VEGFA: variants seen among roughly 807,000 people sequenced by gnomAD.
The protein encoded by VEGFA is vascular endothelial growth factor A, long form.
VEGFA carries 20 observed loss-of-function variants against 49.7 expected under a neutral mutation model. The observed-to-expected ratio is 0.40, with a 90% CI of 0.28 to 0.58. The LOEUF is 0.58. VEGFA is among the 20% of genes least tolerant of loss of function. VEGFA has a pLI of 0.40. For synonymous variants in VEGFA, 219 were observed against 223.4 expected (o/e 0.98, Z 0.18); for missense variants, 505 against 553.5 (o/e 0.91, Z 0.88).
At chr6:43,774,447 A>G (rs1421601908) in intron 2 of VEGFA, 55 bp downstream of exon 2, 9 of 1,592,400 alleles carry the variant, frequency 5.7e-6, no homozygotes, top group Non-Finnish European at 6.0e-6. Context: ...GGATGGGTGG[A>G]TGGCCTAATT....
chr6:43,782,552 T>C, intron 7 of VEGFA: 1 of 256,840 alleles, frequency 3.9e-6, no homozygotes, highest in Non-Finnish European at 7.7e-6. Context: ...TGGCTGGGCT[T>C]CTCACTCACT....
At position 43,771,259 on chromosome 6, in the gene VEGFA, C is replaced by T. The variant is rs1370541486; in HGVS notation, c.553C>T (p.Leu185=). ...GGCCTCCGAAACCATGAACTTTCTG[C>T]TGTCTTGGGTGCATTGGAGCCTTGC... Residue 185 remains leucine, a synonymous_variant, in exon 1 of 8, where the codon CTG becomes TTG. Coordinates refer to ENST00000672860, the MANE Select transcript of VEGFA (RefSeq NM_003376.6). 1 of 1,607,508 alleles carries T rather than the reference C, an allele frequency of 6.2e-7. No homozygotes were observed. The highest frequency in any genetic ancestry group is 1.7e-5 in the Admixed American group (1 of 59,800).
rs1765720683 is a variant in VEGFA at position 43,777,208 on chromosome 6, G to A, written c.659-261G>A. On this transcript the variant is annotated intron_variant, in intron 2 of 7. Coordinates refer to ENST00000672860, the MANE Select transcript of VEGFA (RefSeq NM_003376.6). The surrounding 1 kb of genome is among the most constrained non-coding windows in gnomAD (Gnocchi z 4.3). ...GTTCAGCTGTCACAGTGAGGTGGCG[G>A]GATCAGATGTGGCAGGCCATGTCCC... 3 of 549,350 alleles carry A rather than the reference G, an allele frequency of 5.5e-6. No individual in the cohort carries two copies. In the African/African-American group the frequency reaches 5.6e-5, roughly 10 times the overall value. 34.0% of individuals were successfully genotyped at this position (549,350 alleles called of 1,614,324 possible). A position where few individuals can be genotyped will look rare whatever the true frequency, so the allele number is the denominator to read the frequency against.
At position 43,771,218 on chromosome 6, in the gene VEGFA, G is replaced by T. The variant is rs1287008224; in HGVS notation, c.512G>T (p.Arg171Leu). The T allele has an allele frequency of 1.2e-6, 2 of 1,604,270 alleles. No individual in the cohort carries two copies. The highest frequency in any genetic ancestry group is 1.7e-5 in the Admixed American group (1 of 59,652). The change falls in exon 1 of 8, where the codon CGC becomes CTC. Residue 171 changes from arginine (R) to leucine (L), a missense_variant. Physicochemically the swap from Arg to Leu is moderately radical, Grantham distance 102. This residue lies in a region of VEGFA where 340 missense variants were observed against 321.8 expected (regional missense o/e 1.06). Transcript: ENST00000672860. ...CCGAGCCGGAGAGGGAGCGCGAGCCGCGCCGGCCCCGGTCGGGCCTCCGAA... is the reference window on the plus strand; with the variant it reads ...CCGAGCCGGAGAGGGAGCGCGAGCCTCGCCGGCCCCGGTCGGGCCTCCGAA...
At position 43,781,478 on chromosome 6, in the gene VEGFA, C is replaced by G. The variant is rs750031223; in HGVS notation, c.1035-478C>G. 2.3e-4 allele frequency: 61 copies of G among 260,662 alleles called. 1 individual carries two copies. The highest frequency in any genetic ancestry group is 3.8e-4 in the Non-Finnish European group (50 of 132,260). 16.1% of individuals were successfully genotyped at this position (260,662 alleles called of 1,614,324 possible). ...CCTGGGCCCTCTGGCCACCAGCGGC[C>G]TGGCCTGGGGACACCGCCTCCGGGC... is the stretch of plus-strand genomic sequence containing the variant. On this transcript the variant is annotated intron_variant, in intron 6 of 7. Coordinates refer to ENST00000672860, the MANE Select transcript of VEGFA (RefSeq NM_003376.6).
chr6:43,777,296 T>G lies in VEGFA; in HGVS notation c.659-173T>G. 1 of 720,076 alleles carries G rather than the reference T, an allele frequency of 1.4e-6. No homozygotes were observed. The highest frequency in any genetic ancestry group is 2.4e-6 in the Non-Finnish European group (1 of 408,656). The allele number at this position is 720,076 out of a possible 1,614,324, so 44.6% of individuals were successfully genotyped here. A position where few individuals can be genotyped will look rare whatever the true frequency, so the allele number is the denominator to read the frequency against. On this transcript the variant is annotated intron_variant, in intron 2 of 7. Coordinates refer to ENST00000672860, the MANE Select transcript of VEGFA (RefSeq NM_003376.6). This position sits in a 1 kb window ranked among gnomAD's most constrained non-coding sequence, Gnocchi z 4.3. ...AACAGGCCTTCACCAGTGTTGATGGTGGAAAGCTTAGGGAAGTGCTTCAAA... is the reference window on the plus strand; with the variant it reads ...AACAGGCCTTCACCAGTGTTGATGGGGGAAAGCTTAGGGAAGTGCTTCAAA...
Position 43,770,907 on chromosome 6 carries a change from C to A in VEGFA, c.201C>A (p.Ala67=). The A allele has an allele frequency of 1.3e-6, 2 of 1,544,444 alleles. No individual in the cohort carries two copies. The highest frequency in any genetic ancestry group is 1.2e-5 in the South Asian group (1 of 83,220). Residue 67 remains alanine (A), a synonymous_variant, in exon 1 of 8, where the codon GCC becomes GCA. Transcript: ENST00000672860. ...TGGGCTGTTCTCGCTTCGGAGGAGC[C>A]GTGGTCCGCGCGGGGGAAGCCGAGC...
intron 6 of VEGFA, chr6:43,781,493 C>T (rs3025022): frequency 0.69 from 191,780 of 277,504 alleles, 67,163 homozygotes; most frequent in East Asian, 0.85. Context: ...CTGGGGACAC[C>T]GCCTCCGGGC....
In VEGFA at chr6:43,780,793, T is replaced by A. The variant is rs1376400416; in HGVS notation, c.1024T>A (p.Ser342Thr). 5 of 1,613,798 alleles carry A rather than the reference T, an allele frequency of 3.1e-6. No homozygotes were observed. The highest frequency in any genetic ancestry group is 4.2e-6 in the Non-Finnish European group (5 of 1,180,006). The change falls in exon 6 of 8, where the codon TCC becomes ACC. Residue 342 changes from serine (S) to threonine (T), a missense_variant. Physicochemically the swap from Ser to Thr is moderately conservative, Grantham distance 58. This residue lies in a region of VEGFA where 165 missense variants were observed against 231.7 expected (regional missense o/e 0.71). Coordinates refer to ENST00000672860, the MANE Select transcript of VEGFA (RefSeq NM_003376.6). ...AAAGCGCAAGAAATCCCGGTATAAG[T>A]CCTGGAGCGTGTACGTTGGTGCCCG...
intron 2 of VEGFA, chr6:43,774,673 C>T: frequency 1.8e-6 from 1 of 547,286 alleles, no homozygotes; most frequent in Admixed American, 3.1e-5. Flanking sequence ...AGCAGGAAGA[C>T]AGTGTTCAGG....
rs1212033229 is a variant in VEGFA, at chr6:43,773,712, T to A, written c.607-629T>A. The A allele has an allele frequency of 6.4e-6, 1 of 157,258 alleles. No individual in the cohort carries two copies. Among genetic ancestry groups the A allele is most frequent in the Non-Finnish European group, 1.4e-5 (1 of 70,584 alleles). 9.7% of individuals were successfully genotyped at this position (157,258 alleles called of 1,614,324 possible). On this transcript the variant is annotated intron_variant, in intron 1 of 7. Transcript: ENST00000672860. This position sits in a 1 kb window ranked among gnomAD's most constrained non-coding sequence, Gnocchi z 5.6. Reference sequence around the variant, plus strand: ...AGAGATTTGTGTAGAGAGGAAAATGTGGTTCTCCCCCAGGGTCTCCTCCTG... The same window carrying A: ...AGAGATTTGTGTAGAGAGGAAAATGAGGTTCTCCCCCAGGGTCTCCTCCTG...
chr6:43,770,888 G>C lies in VEGFA; in HGVS notation c.182G>C (p.Cys61Ser), dbSNP rs541717889. The C allele has an allele frequency of 2.6e-6, 4 of 1,544,814 alleles. No individual in the cohort carries two copies. The East Asian group carries it at 9.9e-5, about 38-fold the overall frequency. Reference sequence around the variant, plus strand: ...AAACTTTTCGTCCAACTTCTGGGCTGTTCTCGCTTCGGAGGAGCCGTGGTC... The same window carrying C: ...AAACTTTTCGTCCAACTTCTGGGCTCTTCTCGCTTCGGAGGAGCCGTGGTC... Residue 61 changes from cysteine to serine, a missense_variant, in exon 1 of 8, where the codon TGT (cysteine) becomes TCT (serine). Cys to Ser is a moderately radical substitution (Grantham distance 112, BLOSUM62 -1). Coordinates refer to ENST00000672860, the MANE Select transcript of VEGFA (RefSeq NM_003376.6).
chr6:43,770,515 C>A lies in VEGFA; in HGVS notation c.-192C>A. On this transcript the variant is annotated 5_prime_UTR_variant, in exon 1 of 8. Coordinates refer to ENST00000672860, the MANE Select transcript of VEGFA (RefSeq NM_003376.6). Reference sequence around the variant, plus strand: ...CCAAATCACTGTGGATTTTGGAAACCAGCAGAAAGAGGAAAGAGGTAGCAA... The same window carrying A: ...CCAAATCACTGTGGATTTTGGAAACAAGCAGAAAGAGGAAAGAGGTAGCAA... 1 of 1,252,402 alleles carries A rather than the reference C, an allele frequency of 8.0e-7. No individual in the cohort carries two copies. The highest frequency in any genetic ancestry group is 1.6e-5 in the African/African-American group (1 of 63,816). The allele number at this position is 1,252,402 out of a possible 1,614,324, so 77.6% of individuals were successfully genotyped here.
At position 43,774,682 on chromosome 6, in the gene VEGFA, G is replaced by C. The variant is rs865577; in HGVS notation, c.658+290G>C. On this transcript the variant is annotated intron_variant, in intron 2 of 7. Transcript: ENST00000672860. ...GCACAGAGCAGGAAGACAGTGTTCA[G>C]GGATCCTAGGTGTTGGGGGAAGTGT... 180,698 of 528,130 alleles carry C rather than the reference G, an allele frequency of 0.34. 32,316 individuals carry two copies. The highest frequency in any genetic ancestry group is 0.49 in the African/African-American group (25,407 of 52,306). 32.7% of individuals were successfully genotyped at this position (528,130 alleles called of 1,614,324 possible). A position where few individuals can be genotyped will look rare whatever the true frequency, so the allele number is the denominator to read the frequency against.
At position 43,780,760 on chromosome 6, in the gene VEGFA, C is replaced by CA. The variant is rs1187142853; in HGVS notation, c.996dup (p.Arg333ThrfsTer9). 6.2e-7 allele frequency: 1 copy of CA among 1,612,072 alleles called. No homozygotes were observed. The highest frequency in any genetic ancestry group is 8.5e-7 in the Non-Finnish European group (1 of 1,179,634). On this transcript the variant is annotated frameshift_variant, in exon 6 of 8. Coordinates refer to ENST00000672860, the MANE Select transcript of VEGFA (RefSeq NM_003376.6). LOFTEE classifies it high-confidence loss of function. ...ATCAGTTCGAGGAAAGGGAAAGGGG[C>CA]AAAAACGAAAGCGCAAGAAATCCCG...
In VEGFA at chr6:43,770,983, G is replaced by A; in HGVS notation, c.277G>A (p.Glu93Lys). 1 of 1,542,742 alleles carries A rather than the reference G, an allele frequency of 6.5e-7. No homozygotes were observed. Among genetic ancestry groups the A allele is most frequent in the Non-Finnish European group, 8.7e-7 (1 of 1,144,694 alleles). The change falls in exon 1 of 8, where the codon GAG (glutamate) becomes AAG (lysine). Residue 93 changes from glutamate to lysine, a missense_variant. By Grantham distance (56) the Glu-to-Lys change is moderately conservative. Coordinates refer to ENST00000672860, the MANE Select transcript of VEGFA (RefSeq NM_003376.6). ...CTCGGGCCGGGAGGAGCCGCAGCCG[G>A]AGGAGGGGGAGGAGGAAGAAGAGAA...
At position 43,770,783 on chromosome 6, in the gene VEGFA, C is replaced by A; in HGVS notation, c.77C>A (p.Ala26Glu). The change falls in exon 1 of 8, where the codon GCG (alanine) becomes GAG (glutamate). Residue 26 changes from alanine to glutamate, a missense_variant. Coordinates refer to ENST00000672860, the MANE Select transcript of VEGFA (RefSeq NM_003376.6). ...CCCGGCCGGCGGCGGACAGTGGACGCGGCGGCGAGCCGCGGGCAGGGGCCG... is the reference window on the plus strand; with the variant it reads ...CCCGGCCGGCGGCGGACAGTGGACGAGGCGGCGAGCCGCGGGCAGGGGCCG... 6.8e-7 allele frequency: 1 copy of A among 1,472,860 alleles called. No individual in the cohort carries two copies. The highest frequency in any genetic ancestry group is 8.9e-7 in the Non-Finnish European group (1 of 1,117,560). The allele number at this position is 1,472,860 out of a possible 1,614,324, so 91.2% of individuals were successfully genotyped here. A position where few individuals can be genotyped will look rare whatever the true frequency, so the allele number is the denominator to read the frequency against.
At position 43,770,491 on chromosome 6, in the gene VEGFA, C is replaced by T. The variant is rs1390497985; in HGVS notation, c.-216C>T. On this transcript the variant is annotated 5_prime_UTR_variant, in exon 1 of 8. Transcript: ENST00000672860. Reference sequence around the variant, plus strand: ...GCTTGGGGAGATTGCTCTACTTCCCCAAATCACTGTGGATTTTGGAAACCA... The same window carrying T: ...GCTTGGGGAGATTGCTCTACTTCCCTAAATCACTGTGGATTTTGGAAACCA... 1.8e-6 allele frequency: 2 copies of T among 1,116,766 alleles called. No homozygotes were observed. The highest frequency in any genetic ancestry group is 2.3e-6 in the Non-Finnish European group (2 of 867,328). The allele number at this position is 1,116,766 out of a possible 1,614,324, so 69.2% of individuals were successfully genotyped here. A position where few individuals can be genotyped will look rare whatever the true frequency, so the allele number is the denominator to read the frequency against.
At chr6:43,779,491 G>A (rs1394537934) in intron 5 of VEGFA, 7 of 372,022 alleles carry the variant, frequency 1.9e-5, no homozygotes, top group Non-Finnish European at 3.7e-5. Context: ...GGGCAGGTAG[G>A]ATGGGGTGGG....
Sources: allele counts gnomAD v4.1 joint callset, GRCh38; gene constraint gnomAD v4.1.1; regional missense constraint gnomAD v4.1.1; non-coding constraint Gnocchi (gnomAD v3.1); transcripts MANE v1.5; gene names NCBI Gene and HGNC (gene_info 2026-07-23, HGNC 2026-07-21).